The following CTSF variants were observed in gnomAD, a reference collection of about 807,000 sequenced individuals.
The protein encoded by CTSF is cathepsin F.
Under a neutral mutation model 63.5 loss-of-function variants are expected in CTSF, and 65 were observed. The observed-to-expected ratio is 1.02, with a 90% confidence interval of 0.84 to 1.26. CTSF has a LOEUF of 1.26. Among genes scored for constraint, CTSF ranks in the 50% most tolerant of loss-of-function variants. The pLI is 0.00. For synonymous variants in CTSF, 256 were observed against 258.1 expected, an observed-to-expected ratio of 0.99 and a Z score of 0.08; for missense variants, 641 against 631.0, an observed-to-expected ratio of 1.02 and a Z score of -0.17.
intron 2 of CTSF, 24 bp downstream of exon 2, chr11:66,567,960 A>G: frequency 6.4e-7 from 1 of 1,571,752 alleles, no homozygotes; most frequent in Non-Finnish European, 8.6e-7. Flanking sequence ...CGGGGCGGGG[A>G]ACCCCAAGAG....
Position 66,564,018 on chromosome 11 carries a change from G to A in CTSF, c.1381-11C>T. The A allele has an allele frequency of 1.2e-6, 2 of 1,613,700 alleles. No individual in the cohort carries two copies. The highest frequency in any genetic ancestry group is 1.7e-5 in the Admixed American group (1 of 60,012). On this transcript the variant is annotated splice_polypyrimidine_tract_variant and intron_variant, in intron 12 of 12. Transcript: ENST00000310325. ...CAAGTAGTAGTAACCCTGGGGGAGA[G>A]GGGGAGCTGGTGAGGGCACCAGGGT...
chr11:66,564,925 T>A lies in CTSF; in HGVS notation c.1127A>T (p.Tyr376Phe). ...CNFSAEKAKV[Y>F]INDSVELSQN... ...GCTCAGCTCCACGGAGTCATTGATG[T>A]AGACCTTGGCCTTCTCTGCTGAGAA... Residue 376 changes from tyrosine to phenylalanine, a missense_variant, in exon 9 of 13, where the codon TAC (tyrosine) becomes TTC (phenylalanine). Coordinates refer to ENST00000310325, the MANE Select transcript of CTSF (RefSeq NM_003793.4). The A allele has an allele frequency of 6.2e-7, 1 of 1,607,850 alleles. No individual in the cohort carries two copies. Among genetic ancestry groups the A allele is most frequent in the Non-Finnish European group, 8.5e-7 (1 of 1,175,258 alleles).
rs1857896610 is a variant in CTSF at position 66,564,951 on chromosome 11, G to A, written c.1101C>T (p.Asn367=). 6.3e-7 allele frequency: 1 copy of A among 1,599,812 alleles called. No individual in the cohort carries two copies. ...YSYQGHMQSC[N]FSAEKAKVYI... ...AGACCTTGGCCTTCTCTGCTGAGAA[G>A]TTGCAGGACTGCATGTGACCCTGGT... The change falls in exon 9 of 13, where the codon AAC becomes AAT. Residue 367 remains asparagine, a synonymous_variant. Transcript: ENST00000310325.
Position 66,568,419 on chromosome 11 carries a change from T to C in CTSF, c.68A>G (p.Gln23Arg). Reference protein sequence around the residue: ...LLPGAVAAPAQPRAASFQAWG... With the variant: ...LLPGAVAAPARPRAASFQAWG... The stretch of plus-strand genomic sequence containing the variant: ...GGCCTGAAAGCTGGCGGCTCGGGGC[T>C]GGGCGGGGGCGGCCACTGCGCCCGG... The change falls in exon 1 of 13, where the codon CAG becomes CGG. Residue 23 changes from glutamine (Q) to arginine (R), a missense_variant. Gln to Arg is a conservative substitution (Grantham distance 43). Transcript: ENST00000310325. 2 of 1,351,844 alleles carry C rather than the reference T, an allele frequency of 1.5e-6. No homozygotes were observed. The highest frequency in any genetic ancestry group is 1.9e-6 in the Non-Finnish European group (2 of 1,062,122). The allele number at this position is 1,351,844 out of a possible 1,614,324, so 83.7% of individuals were successfully genotyped here.
chr11:66,563,604 G>C lies in CTSF; in HGVS notation c.*329C>G. ...CAGAGGAAAGCGGGGGCAGAACAGA[G>C]CTGGGCTTAAGATCAGAAAATTTTC... is the stretch of plus-strand genomic sequence containing the variant. On this transcript the variant is annotated 3_prime_UTR_variant, in exon 13 of 13. Transcript: ENST00000310325. The C allele has an allele frequency of 1.9e-6, 1 of 533,160 alleles. No individual in the cohort carries two copies. Among genetic ancestry groups the C allele is most frequent in the Non-Finnish European group, 3.4e-6 (1 of 297,298 alleles). The allele number at this position is 533,160 out of a possible 1,614,324, so 33.0% of individuals were successfully genotyped here.
chr11:66,563,838 G>T lies in CTSF; in HGVS notation c.*95C>A. 1 of 1,498,568 alleles carries T rather than the reference G, an allele frequency of 6.7e-7. No individual in the cohort carries two copies. The highest frequency in any genetic ancestry group is 9.1e-7 in the Non-Finnish European group (1 of 1,098,082). 92.8% of individuals were successfully genotyped at this position (1,498,568 alleles called of 1,614,324 possible). A position where few individuals can be genotyped will look rare whatever the true frequency, so the allele number is the denominator to read the frequency against. ...TGAGGTACCCAGTGCCTTTCCCTCTGCCAGCTGTACCTCCCGGGGAGGGGC... is the reference window on the plus strand; with the variant it reads ...TGAGGTACCCAGTGCCTTTCCCTCTTCCAGCTGTACCTCCCGGGGAGGGGC... On this transcript the variant is annotated 3_prime_UTR_variant, in exon 13 of 13. Transcript: ENST00000310325.
At chr11:66,568,233 T>C (rs1857980392) in intron 1 of CTSF, 41 bp downstream of exon 1, 1 of 1,521,072 alleles carries the variant, frequency 6.6e-7, no homozygotes, top group South Asian at 1.2e-5. Flanking sequence ...TCCTATCCCT[T>C]GGACCCGGGC....
chr11:66,566,460 G>A (rs1025457403), intron 4 of CTSF, 56 bp from the exon 5 acceptor site: 1 of 1,528,182 alleles, frequency 6.5e-7, no homozygotes, highest in Non-Finnish European at 9.0e-7. Context: ...TAAAAGGAAG[G>A]GCAATTGGGG....
Position 66,568,493 on chromosome 11 carries a change from G to T in CTSF, c.-7C>A. 1 of 1,480,306 alleles carries T rather than the reference G, an allele frequency of 6.8e-7. No homozygotes were observed. Among genetic ancestry groups the T allele is most frequent in the Non-Finnish European group, 8.9e-7 (1 of 1,122,988 alleles). 91.7% of individuals were successfully genotyped at this position (1,480,306 alleles called of 1,614,324 possible). A position where few individuals can be genotyped will look rare whatever the true frequency, so the allele number is the denominator to read the frequency against. ...GCTGCAGCCAGGGCGCCATGGCGAG[G>T]GCGAAGCCGGCGGCCCGGACCCAAC... is the stretch of plus-strand genomic sequence containing the variant. On this transcript the variant is annotated 5_prime_UTR_variant, in exon 1 of 13. Transcript: ENST00000310325.
intron 2 of CTSF, 34 bp downstream of exon 2, chr11:66,567,950 C>T: frequency 4.5e-6 from 7 of 1,561,488 alleles, no homozygotes; most frequent in Non-Finnish European, 6.1e-6. Flanking sequence ...TACTCGGCCT[C>T]GGGGCGGGGA....
rs779943305 is a variant in CTSF at position 66,566,307 on chromosome 11, C to T, written c.705G>A (p.Lys235=). The T allele has an allele frequency of 2.5e-6, 4 of 1,614,168 alleles. No individual in the cohort carries two copies. Among genetic ancestry groups the T allele is most frequent in the Non-Finnish European group, 3.4e-6 (4 of 1,180,026 alleles). The change falls in exon 5 of 13, where the codon AAG becomes AAA. Residue 235 remains lysine, a synonymous_variant. Transcript: ENST00000310325. ...TATCCCTACCTGTGAGATCACTGAA[C>T]TTGGTGACTCCATACTGAGCTGTGC... ...DRGTAQYGVT[K]FSDLTEEEFR...
intron 2 of CTSF, 88 bp downstream of exon 2, chr11:66,567,896 A>G (rs1327296680): frequency 4.7e-6 from 7 of 1,482,682 alleles, no homozygotes; most frequent in Non-Finnish European, 6.4e-6. Context: ...GCTACCTCAG[A>G]TCCCTGCGTC....
chr11:66,564,044 A>G, intron 12 of CTSF, 37 bp from the exon 13 acceptor site: 1 of 1,613,826 alleles, frequency 6.2e-7, no homozygotes, highest in Admixed American at 1.7e-5. Flanking sequence ...GCACCAGGGT[A>G]GGATGGCGGC....
chr11:66,568,144 CG>C, intron 1 of CTSF, 62 bp from the exon 2 acceptor site: 6 of 1,574,128 alleles, frequency 3.8e-6, no homozygotes, highest in Non-Finnish European at 5.2e-6. Context: ...AGGCCCCGCC[CG>C]TGCGGCGCTG....
At chr11:66,567,367 C>T in intron 3 of CTSF, 46 bp from the exon 4 acceptor site, 1 of 1,613,762 alleles carries the variant, frequency 6.2e-7, no homozygotes, top group Non-Finnish European at 8.5e-7. Flanking sequence ...AAACCCACTC[C>T]AGAGGGAAGG....
intron 10 of CTSF, 24 bp from the exon 11 acceptor site, chr11:66,564,672 G>A (rs779996406): frequency 2.5e-6 from 4 of 1,612,428 alleles, no homozygotes; most frequent in South Asian, 1.1e-5. Flanking sequence ...AGGAGTAGGG[G>A]ATCGACTCCA....
chr11:66,564,689 G>A, intron 10 of CTSF, 41 bp from the exon 11 acceptor site: 1 of 1,613,000 alleles, frequency 6.2e-7, no homozygotes, highest in South Asian at 1.1e-5. Context: ...TCCAAGAAGA[G>A]GTCGGGGAGG....
rs1228952360 is a variant in CTSF, at chr11:66,566,061, G to T, written c.828C>A (p.Asp276Glu). 1 of 1,614,146 alleles carries T rather than the reference G, an allele frequency of 6.2e-7. No individual in the cohort carries two copies. The highest frequency in any genetic ancestry group is 2.2e-5 in the East Asian group (1 of 44,878). ...SVGDLAPPEW[D>E]WRSKGAVTKV... The stretch of plus-strand genomic sequence containing the variant: ...TTGTGACAGCCCCCTTACTCCTCCA[G>T]TCCCATTCAGGTGGGGCGAGGTCAC... The change falls in exon 6 of 13, where the codon GAC (aspartate) becomes GAA (glutamate). Residue 276 changes from aspartate to glutamate, a missense_variant. Physicochemically the swap from Asp to Glu is conservative, Grantham distance 45. Coordinates refer to ENST00000310325, the MANE Select transcript of CTSF (RefSeq NM_003793.4).
Position 66,565,887 on chromosome 11 carries a change from T to C in CTSF, c.908A>G (p.Asn303Ser). ...GTTGAGAAACCACTGGCCCTCCACA[T>C]TGCCTGTGACTGAGAAGGCCCAGCA... ...GSCWAFSVTGNVEGQWFLNQG... is the reference protein window; with the variant it reads ...GSCWAFSVTGSVEGQWFLNQG... The change falls in exon 7 of 13, where the codon AAT becomes AGT. Residue 303 changes from asparagine (N) to serine (S), a missense_variant. Asn to Ser is a conservative substitution (Grantham distance 46). Transcript: ENST00000310325. 4 of 1,614,044 alleles carry C rather than the reference T, an allele frequency of 2.5e-6. No individual in the cohort carries two copies. The highest frequency in any genetic ancestry group is 3.4e-6 in the Non-Finnish European group (4 of 1,180,008).
Sources: gnomAD v4.1 joint callset for allele counts on GRCh38, gnomAD v4.1.1 for gene constraint, MANE v1.5 for transcripts, NCBI Gene and HGNC (gene_info 2026-07-23, HGNC 2026-07-21) for gene names.